Variants in CEP112 observed in about 807,000 individuals in gnomAD.
CEP112 encodes the protein centrosomal protein of 112 kDa.
A neutral mutation model predicts 153.0 loss-of-function variants in CEP112; 127 were observed. The observed-to-expected ratio is 0.83, with a 90% confidence interval of 0.72 to 0.96. The LOEUF (loss-of-function observed/expected upper bound fraction) is 0.96. CEP112 is among the 40% of genes least tolerant of loss of function. The pLI is 0.00. For missense variants in CEP112, 1,089 were observed against 1,101.2 expected (o/e 0.99, Z 0.16); for synonymous variants, 358 against 374.4 (o/e 0.96, Z 0.51).
At chr17:65,844,927 C>T (rs750918398) in intron 21 of CEP112, among the ~76,000 whole-genome samples, 33 of 151,806 alleles carry the variant, frequency 2.2e-4, no homozygotes, top group Non-Finnish European at 2.8e-4. Flanking sequence ...GGAGGGGAAT[C>T]GCTTGAACCT....
In CEP112 at chr17:65,905,094, T is replaced by C. The variant is rs193068494; in HGVS notation, c.1981-2760A>G. 2.0e-3 allele frequency among the ~76,000 whole-genome samples: 297 copies of C among 152,208 alleles called. 1 individual carries two copies. Among genetic ancestry groups the C allele is most frequent in the Non-Finnish European group, 3.6e-3 (245 of 68,016 alleles). ...AAAGCAATGGCAACAAAAGCCAAAA[T>C]TGACAAATGGGATCTAATTAAACTA... On this transcript the variant is annotated intron_variant, in intron 19 of 26. Transcript: ENST00000535342.
chr17:65,672,397 C>G (rs1053116598), intron 24 of CEP112, among the ~76,000 whole-genome samples: 1 of 152,222 alleles, frequency 6.6e-6, no homozygotes, highest in African/African-American at 2.4e-5. Context: ...AAAATGAACT[C>G]TACAATCTTA....
chr17:65,759,849 G>A (rs528705923), intron 21 of CEP112, among the ~76,000 whole-genome samples: 6 of 152,130 alleles, frequency 3.9e-5, no homozygotes, highest in South Asian at 2.1e-4. Flanking sequence ...TTCTTGACAC[G>A]CAATGGCATT....
chr17:66,065,291 TA>T (rs1416046065), intron 10 of CEP112, among the ~76,000 whole-genome samples: 19 of 152,204 alleles, frequency 1.2e-4, no homozygotes, highest in African/African-American at 4.6e-4. Context: ...CACCATTTTA[TA>T]ATGAGTAAAC....
At chr17:65,977,999 C>T (rs1314169860) in intron 17 of CEP112, among the ~76,000 whole-genome samples, 4 of 152,178 alleles carry the variant, frequency 2.6e-5, no homozygotes, top group Non-Finnish European at 5.9e-5. Context: ...CACTTGAACA[C>T]GGGAGGTGGA....
At chr17:66,111,152 A>G (rs1169489535) in intron 6 of CEP112, among the ~76,000 whole-genome samples, 1 of 152,222 alleles carries the variant, frequency 6.6e-6, no homozygotes. Context: ...CAGAACCACA[A>G]TGAGATAAAA....
intron 20 of CEP112, among the ~76,000 whole-genome samples, chr17:65,887,492 G>C (rs1016536126): frequency 6.6e-6 from 1 of 152,118 alleles, no homozygotes; most frequent in Admixed American, 6.5e-5. Flanking sequence ...TTTAAGTACT[G>C]TCTCCATCCT....
chr17:66,115,819 T>C (rs1339141786), intron 6 of CEP112, among the ~76,000 whole-genome samples: 2 of 152,198 alleles, frequency 1.3e-5, no homozygotes, highest in Non-Finnish European at 2.9e-5. Flanking sequence ...TTGGCAATAA[T>C]TGTTGTCTCA....
intron 6 of CEP112, among the ~76,000 whole-genome samples, chr17:66,126,484 C>A (rs1406095206): frequency 1.3e-5 from 2 of 151,890 alleles, no homozygotes; most frequent in African/African-American, 2.4e-5. Flanking sequence ...ATAGCGAATA[C>A]CCACAGCACA....
intron 24 of CEP112, among the ~76,000 whole-genome samples, chr17:65,684,883 C>CCTT (rs1444619820): frequency 6.6e-6 from 1 of 152,038 alleles, no homozygotes; most frequent in African/African-American, 2.4e-5. Flanking sequence ...CTCTGATCTC[C>CCTT]CTTCTTTGAT....
chr17:66,038,057 G>A (rs2065809812), intron 12 of CEP112, among the ~76,000 whole-genome samples: 1 of 138,604 alleles, frequency 7.2e-6, no homozygotes, highest in African/African-American at 2.8e-5. Flanking sequence ...AGCTGAGATC[G>A]CGCCACTGTA....
chr17:65,961,510 G>A lies in CEP112; in HGVS notation c.1825C>T (p.Gln609Ter), dbSNP rs202112505. 113 of 1,612,942 alleles carry A rather than the reference G, an allele frequency of 7.0e-5. No individual in the cohort carries two copies. The highest frequency in any genetic ancestry group is 8.9e-5 in the Non-Finnish European group (105 of 1,179,138). Residue 609 changes from glutamine to a stop codon, truncating the protein, a stop_gained, in exon 18 of 27, where the codon CAG becomes TAG. Transcript: ENST00000535342. LOFTEE classifies it high-confidence loss of function. ...ACTTTCTCTGAGTTCAGTTCCACCTGCCGCTTAAACTCTTCCAGAGCGGCA... is the reference window on the plus strand; with the variant it reads ...ACTTTCTCTGAGTTCAGTTCCACCTACCGCTTAAACTCTTCCAGAGCGGCA... ...ADAALEEFKR[Q>*]VELNSEKVYA... is the part of the protein sequence containing the mutation.
chr17:65,799,561 T>C (rs965277664), intron 21 of CEP112, among the ~76,000 whole-genome samples: 1 of 152,158 alleles, frequency 6.6e-6, no homozygotes, highest in Admixed American at 6.5e-5. Context: ...TCTGGCACTG[T>C]GGAGAATGAT....
intron 4 of CEP112, among the ~76,000 whole-genome samples, chr17:66,172,813 T>A (rs1323575090): frequency 1.3e-5 from 2 of 152,180 alleles, no homozygotes; most frequent in Non-Finnish European, 2.9e-5. Flanking sequence ...CCCCCACTCA[T>A]CTAAAACAAT....
chr17:65,745,353 T>C (rs956242608), intron 22 of CEP112, among the ~76,000 whole-genome samples: 2 of 152,246 alleles, frequency 1.3e-5, no homozygotes, highest in Non-Finnish European at 2.9e-5. Flanking sequence ...GATTAAATAT[T>C]GTTTCCATTC....
intron 23 of CEP112, among the ~76,000 whole-genome samples, chr17:65,724,569 T>C (rs1211806559): frequency 6.6e-6 from 1 of 152,250 alleles, no homozygotes; most frequent in Non-Finnish European, 1.5e-5. Context: ...ATAACTACTA[T>C]TGGAAAATAT....
chr17:65,683,389 G>A (rs1207853682), intron 24 of CEP112, among the ~76,000 whole-genome samples: 1 of 152,156 alleles, frequency 6.6e-6, no homozygotes, highest in Non-Finnish European at 1.5e-5. Context: ...AACCAGATGA[G>A]ACTTACAACT....
chr17:65,994,353 G>A (rs2063707058), intron 17 of CEP112, among the ~76,000 whole-genome samples: 1 of 152,072 alleles, frequency 6.6e-6, no homozygotes, highest in Admixed American at 6.6e-5. Flanking sequence ...ATTGAGACAG[G>A]GTCTTGCTCT....
At chr17:66,005,032 C>G (rs1472834640) in intron 17 of CEP112, among the ~76,000 whole-genome samples, 1 of 152,150 alleles carries the variant, frequency 6.6e-6, no homozygotes, top group Non-Finnish European at 1.5e-5. Flanking sequence ...TGGGAATGTA[C>G]TGAACATTGG....
Sources: gnomAD v4.1 joint callset for allele counts (sites outside exome capture counted in the v4.1 genomes callset) on GRCh38, gnomAD v4.1.1 for gene constraint, MANE v1.5 for transcripts, NCBI Gene and HGNC (gene_info 2026-07-23, HGNC 2026-07-21) for gene names.